Variants in LTN1 observed in about 807,000 individuals in gnomAD.
The protein encoded by LTN1 is E3 ubiquitin-protein ligase listerin.
A neutral mutation model predicts 201.2 loss-of-function variants in LTN1; 88 were observed. The ratio of observed to expected loss-of-function variants is 0.44; its 90% confidence interval spans 0.37 to 0.52. LTN1 has a LOEUF of 0.52. Ranked by LOEUF, LTN1 falls within the 20% of genes least tolerant of loss-of-function variation. The pLI is 0.00. For synonymous variants in LTN1, 645 were observed against 713.5 expected (o/e 0.90, Z 1.53); for missense variants, 1,752 against 2,038.7 (o/e 0.86, Z 2.71).
rs137896856 is a variant in LTN1, at chr21:28,946,855, G to A, written c.3488-568C>T. Among the ~76,000 whole-genome samples the A allele has an allele frequency of 3.8e-3, 580 of 152,218 alleles. 6 individuals are homozygous for A. The highest frequency in any genetic ancestry group is 0.014 in the African/African-American group (565 of 41,534). ...AAATGAACAATCTGTACCCTTGTATGTTTTTGTGTACCTGGAATGCCCTTC... is the reference window on the plus strand; with the variant it reads ...AAATGAACAATCTGTACCCTTGTATATTTTTGTGTACCTGGAATGCCCTTC... On this transcript the variant is annotated intron_variant, in intron 19 of 29. Transcript: ENST00000361371.
chr21:28,946,406 T>C, intron 19 of LTN1, 119 bp from the exon 20 acceptor site: 2 of 598,786 alleles, frequency 3.3e-6, no homozygotes, highest in South Asian at 6.0e-5. Context: ...TTAAGAACTC[T>C]AATAATGACT....
chr21:28,960,790 T>C, intron 11 of LTN1, 84 bp from the exon 12 acceptor site: 1 of 903,158 alleles, frequency 1.1e-6, no homozygotes, highest in East Asian at 2.6e-5. Flanking sequence ...CATATTACTA[T>C]CCCTTCGTTA....
chr21:28,982,531 A>AT (rs1012220530), intron 4 of LTN1, among the ~76,000 whole-genome samples, 163 bp from the exon 5 acceptor site: 1 of 152,140 alleles, frequency 6.6e-6, no homozygotes, highest in African/African-American at 2.4e-5. Flanking sequence ...AATTTTACCA[A>AT]TTTTCCTTTT....
intron 21 of LTN1, 34 bp from the exon 22 acceptor site, chr21:28,944,630 G>A: frequency 1.4e-6 from 2 of 1,434,204 alleles, no homozygotes; most frequent in South Asian, 2.4e-5. Flanking sequence ...TAGGTAAACA[G>A]ACTTCTACCA....
intron 13 of LTN1, 200 bp downstream of exon 13, chr21:28,959,258 A>T: frequency 1.9e-6 from 1 of 524,528 alleles, no homozygotes; most frequent in Non-Finnish European, 3.2e-6. Context: ...ATATCAAGTG[A>T]GATCTTTAGA....
At chr21:28,934,086 A>C (rs1238359723) in intron 27 of LTN1, among the ~76,000 whole-genome samples, 1 of 152,154 alleles carries the variant, frequency 6.6e-6, no homozygotes, top group Non-Finnish European at 1.5e-5. Flanking sequence ...CAGCCAGATG[A>C]ATCTTTCCCA....
At chr21:28,963,476 G>C (rs2084496475) in intron 11 of LTN1, among the ~76,000 whole-genome samples, 1 of 152,144 alleles carries the variant, frequency 6.6e-6, no homozygotes, top group Non-Finnish European at 1.5e-5. Flanking sequence ...TAAGCCCACT[G>C]TTGGAAAAAC....
rs2084680027 is a variant in LTN1, at chr21:28,984,254, T to C, written c.576+438A>G. Among the ~76,000 whole-genome samples the C allele has an allele frequency of 2.0e-5, 3 of 152,006 alleles. No individual in the cohort carries two copies. The South Asian group carries it at 6.2e-4, about 31-fold the overall frequency. On this transcript the variant is annotated intron_variant, in intron 4 of 29. Coordinates refer to ENST00000361371, the MANE Select transcript of LTN1 (RefSeq NM_015565.3). Reference sequence around the variant, plus strand: ...GGAAAAAAATCCAAATGTATATTAATCTAAAAAGTTAAATAAACTACAGTA... The same window carrying C: ...GGAAAAAAATCCAAATGTATATTAACCTAAAAAGTTAAATAAACTACAGTA...
Position 28,936,715 on chromosome 21 carries a change from A to C in LTN1, c.4483-18T>G. 3.1e-6 allele frequency: 5 copies of C among 1,591,690 alleles called. No homozygotes were observed. The highest frequency in any genetic ancestry group is 4.3e-6 in the Non-Finnish European group (5 of 1,165,392). On this transcript the variant is annotated intron_variant, in intron 25 of 29. Transcript: ENST00000361371. Reference sequence around the variant, plus strand: ...GCCCGAAGCTGGTGGAGAGCAAAGAATTTGTTAGTAAACCAAATACACCAA... The same window carrying C: ...GCCCGAAGCTGGTGGAGAGCAAAGACTTTGTTAGTAAACCAAATACACCAA...
chr21:28,959,862 C>A, intron 12 of LTN1, 165 bp from the exon 13 acceptor site: 2 of 589,520 alleles, frequency 3.4e-6, no homozygotes, highest in Non-Finnish European at 5.6e-6. Context: ...TAAAGGCCCT[C>A]AAGTAAAAAA....
intron 22 of LTN1, 47 bp from the exon 23 acceptor site, chr21:28,943,951 G>C: frequency 9.0e-7 from 1 of 1,116,816 alleles, no homozygotes; most frequent in Non-Finnish European, 1.4e-6. Context: ...AAGAAAGTTA[G>C]TATAGCTTAA....
chr21:28,974,200 A>G (rs1048398892), intron 6 of LTN1, among the ~76,000 whole-genome samples: 1 of 152,226 alleles, frequency 6.6e-6, no homozygotes, highest in Non-Finnish European at 1.5e-5. Context: ...TCAAAATTAA[A>G]ACATCTACTC....
chr21:28,965,625 C>T (rs1190293589), intron 11 of LTN1, among the ~76,000 whole-genome samples: 1 of 152,078 alleles, frequency 6.6e-6, no homozygotes, highest in African/African-American at 2.4e-5. Flanking sequence ...GAAAGAAACA[C>T]TGGATTTTCC....
intron 12 of LTN1, among the ~76,000 whole-genome samples, chr21:28,960,262 G>A (rs1046731461): frequency 6.6e-6 from 1 of 151,164 alleles, no homozygotes; most frequent in African/African-American, 2.4e-5. Context: ...AACTACTTGG[G>A]AAGCTGAGGC....
chr21:28,965,711 C>T (rs1412952392), intron 11 of LTN1, among the ~76,000 whole-genome samples, 154 bp downstream of exon 11: 1 of 152,050 alleles, frequency 6.6e-6, no homozygotes, highest in Non-Finnish European at 1.5e-5. Flanking sequence ...CAAATATCTT[C>T]CCACATTATA....
intron 6 of LTN1, among the ~76,000 whole-genome samples, 185 bp downstream of exon 6, chr21:28,980,934 C>T (rs1011952613): frequency 6.6e-6 from 1 of 151,964 alleles, no homozygotes; most frequent in African/African-American, 2.4e-5. Context: ...ATCTGAGGCC[C>T]AAACTAAATA....
intron 10 of LTN1, among the ~76,000 whole-genome samples, 197 bp from the exon 11 acceptor site, chr21:28,966,103 T>A (rs2084520155): frequency 6.6e-6 from 1 of 152,208 alleles, no homozygotes; most frequent in Non-Finnish European, 1.5e-5. Context: ...GAAGTACCCA[T>A]GTAACCAATA....
intron 1 of LTN1, among the ~76,000 whole-genome samples, chr21:28,991,969 G>T (rs76319648): frequency 6.6e-6 from 1 of 152,194 alleles, no homozygotes; most frequent in Non-Finnish European, 1.5e-5. Flanking sequence ...CTTAGTGAGC[G>T]TCTATTAGGT....
chr21:28,953,652 A>C (rs2084401836), intron 16 of LTN1, among the ~76,000 whole-genome samples: 3 of 152,182 alleles, frequency 2.0e-5, no homozygotes, highest in Admixed American at 2.0e-4. Context: ...GAGATACTGA[A>C]AGAATCTTCC....
Sources: allele counts gnomAD v4.1 joint callset (sites outside exome capture counted in the v4.1 genomes callset), GRCh38; gene constraint gnomAD v4.1.1; transcripts MANE v1.5; gene names NCBI Gene and HGNC (gene_info 2026-07-23, HGNC 2026-07-21).